Variants in APP observed in about 807,000 individuals in gnomAD.
APP encodes the protein amyloid-beta precursor protein.
Under a neutral mutation model 101.4 loss-of-function variants are expected in APP, and 31 were observed. That is an observed-to-expected ratio of 0.31 (90% CI 0.23 to 0.41). The LOEUF (loss-of-function observed/expected upper bound fraction) is 0.41, where lower values mean the gene tolerates loss of function less well. Ranked by LOEUF, APP falls within the 10% of genes least tolerant of loss-of-function variation. The probability of loss-of-function intolerance (pLI) is 1.00; values close to 1 mark genes in which losing one functional copy is unlikely to be tolerated. For synonymous variants in APP, 366 were observed against 364.4 expected (o/e 1.00, Z -0.05); for missense variants, 839 against 1,003.7 (o/e 0.84, Z 2.22).
chr21:25,942,407 C>T (rs374083999), intron 13 of APP: 6 of 152,104 alleles, frequency 3.9e-5, no homozygotes, highest in South Asian at 4.1e-4. Flanking sequence ...TGCGGCTGAA[C>T]GAGCTGAAAA....
intron 2 of APP, among the ~76,000 whole-genome samples, chr21:26,110,967 T>C (rs2062304997): frequency 1.3e-5 from 2 of 151,808 alleles, no homozygotes; most frequent in South Asian, 4.2e-4. Flanking sequence ...TCCAGCTATT[T>C]TAAATTGAAT....
intron 1 of APP, among the ~76,000 whole-genome samples, chr21:26,137,242 A>C (rs2062940934): frequency 6.6e-6 from 1 of 152,208 alleles, no homozygotes; most frequent in African/African-American, 2.4e-5. Context: ...TTAAACCATT[A>C]GTTTTCAAAC....
At position 25,975,138 on chromosome 21, in the gene APP, T is replaced by C; in HGVS notation, c.1390A>G (p.Met464Val). The C allele has an allele frequency of 6.2e-7, 1 of 1,614,066 alleles. No homozygotes were observed. Among genetic ancestry groups the C allele is most frequent in the Non-Finnish European group, 8.5e-7 (1 of 1,179,990 alleles). ...GCCAGGCGGCGGCGGTCATTGAGCATGGCTTCCACTCTGGCCATGTGTGTC... is the reference window on the plus strand; with the variant it reads ...GCCAGGCGGCGGCGGTCATTGAGCACGGCTTCCACTCTGGCCATGTGTGTC... ...VETHMARVEA[M>V]LNDRRRLALE... Residue 464 changes from methionine to valine, a missense_variant, in exon 11 of 18, where the codon ATG (methionine) becomes GTG (valine). By Grantham distance (21) the Met-to-Val change is conservative (BLOSUM62 1). Coordinates refer to ENST00000346798, the MANE Select transcript of APP (RefSeq NM_000484.4).
chr21:25,897,657 A>G lies in APP; in HGVS notation c.1980T>C (p.Asn660=), dbSNP rs749152147. Reference sequence around the variant, plus strand: ...CTTCAGAGATCTCCTCCGTCTTGATATTTGTCAACCCAGAACCTGTATTAC... The same window carrying G: ...CTTCAGAGATCTCCTCCGTCTTGATGTTTGTCAACCCAGAACCTGTATTAC... ...LTTRPGSGLT[N]IKTEEISEVK... Residue 660 remains asparagine (N), a synonymous_variant, in exon 16 of 18, where the codon AAT becomes AAC. Coordinates refer to ENST00000346798, the MANE Select transcript of APP (RefSeq NM_000484.4). The G allele has an allele frequency of 3.1e-6, 5 of 1,613,542 alleles. No homozygotes were observed. The highest frequency in any genetic ancestry group is 1.7e-5 in the Admixed American group (1 of 60,026).
At chr21:26,066,597 T>C (rs1043198443) in intron 3 of APP, among the ~76,000 whole-genome samples, 9 of 151,944 alleles carry the variant, frequency 5.9e-5, no homozygotes, top group Admixed American at 4.6e-4. Context: ...CGCATATAAG[T>C]AGAATCAAGT....
At chr21:26,088,979 C>G (rs774181558) in intron 3 of APP, among the ~76,000 whole-genome samples, 33 of 152,126 alleles carry the variant, frequency 2.2e-4, no homozygotes, top group Non-Finnish European at 4.1e-4. Flanking sequence ...CATTTTTGAC[C>G]ATATATTACA....
chr21:25,898,986 A>G (rs757768379), intron 15 of APP, among the ~76,000 whole-genome samples: 17 of 152,146 alleles, frequency 1.1e-4, no homozygotes, highest in Non-Finnish European at 2.1e-4. Flanking sequence ...AGGAGAAGGT[A>G]AGGATAATCT....
chr21:26,040,970 AC>A (rs1256953218), intron 5 of APP, among the ~76,000 whole-genome samples: 3 of 152,236 alleles, frequency 2.0e-5, no homozygotes, highest in Non-Finnish European at 4.4e-5. Flanking sequence ...TAAAAGTGTT[AC>A]TTTGTAAACA....
chr21:25,968,587 AACAT>A (rs2041886389), intron 11 of APP, among the ~76,000 whole-genome samples: 1 of 152,200 alleles, frequency 6.6e-6, no homozygotes, highest in African/African-American at 2.4e-5. Flanking sequence ...AGAAATTTGA[AACAT>A]ACAGTATACT....
At chr21:25,999,864 G>T in intron 7 of APP, 151 bp downstream of exon 7, 1 of 881,988 alleles carries the variant, frequency 1.1e-6, no homozygotes, top group Non-Finnish European at 1.8e-6. Flanking sequence ...ATACTGCGGA[G>T]ACTCTGAGCA....
chr21:26,099,262 C>T (rs1232733656), intron 2 of APP, among the ~76,000 whole-genome samples: 1 of 151,874 alleles, frequency 6.6e-6, no homozygotes, highest in Admixed American at 6.6e-5. Context: ...ATGCTCTATA[C>T]CAAATTGTTT....
intron 11 of APP, among the ~76,000 whole-genome samples, chr21:25,971,939 A>G (rs756691196): frequency 1.3e-5 from 2 of 152,226 alleles, no homozygotes; most frequent in African/African-American, 2.4e-5. Context: ...GCTCAAGAAT[A>G]TTACAAAAAC....
intron 15 of APP, among the ~76,000 whole-genome samples, chr21:25,904,314 A>C (rs1450717904): frequency 2.0e-5 from 3 of 151,496 alleles, no homozygotes; most frequent in Non-Finnish European, 4.4e-5. Context: ...TTATTCATAA[A>C]ATAAAAATGT....
At chr21:26,085,370 G>A (rs978935850) in intron 3 of APP, among the ~76,000 whole-genome samples, 14 of 152,076 alleles carry the variant, frequency 9.2e-5, no homozygotes, top group Non-Finnish European at 1.8e-4. Flanking sequence ...ATTAAATAAT[G>A]AGAATGATGA....
chr21:25,914,280 C>T (rs1055219861), intron 13 of APP, among the ~76,000 whole-genome samples: 1 of 151,868 alleles, frequency 6.6e-6, no homozygotes, highest in Non-Finnish European at 1.5e-5. Context: ...AATATGATTA[C>T]TTTTCGCCTG....
chr21:25,950,378 T>G (rs1167373597), intron 13 of APP, among the ~76,000 whole-genome samples: 1 of 148,204 alleles, frequency 6.7e-6, no homozygotes, highest in Non-Finnish European at 1.5e-5. Flanking sequence ...GCTTTTTTTT[T>G]TTCTTTTTTT....
At position 26,136,169 on chromosome 21, in the gene APP, AAAAGAAAGAAAGAAAG is replaced by A. The variant is rs138676290; in HGVS notation, c.58-24039_58-24024del. Among the ~76,000 whole-genome samples, 23 of 92,014 alleles carry A rather than the reference AAAAGAAAGAAAGAAAG, an allele frequency of 2.5e-4. 2 individuals carry two copies. In the South Asian group the frequency reaches 4.0e-3, roughly 16 times the overall value. The allele number at this position is 92,014 out of a possible 152,430, so 60.4% of individuals were successfully genotyped here. A position where few individuals can be genotyped will look rare whatever the true frequency, so the allele number is the denominator to read the frequency against. On this transcript the variant is annotated intron_variant, in intron 1 of 17. Coordinates refer to ENST00000346798, the MANE Select transcript of APP (RefSeq NM_000484.4). ...GAAAAGAAAAGAAAAGAAAAGAAAG[AAAAGAAAGAAAGAAAG>A]AAAGAAAGAAAGAAAGAAAAGAAAA...
rs745441127 is a variant in APP, at chr21:26,000,215, G to C, written c.866-33C>G. ...GAGGAGATGTGGGGAACCACATTTA[G>C]CATGAAAAGGCACTGTCTCTCTGTT... On this transcript the variant is annotated intron_variant, in intron 6 of 17. Transcript: ENST00000346798. 3 of 1,611,148 alleles carry C rather than the reference G, an allele frequency of 1.9e-6. No homozygotes were observed. In the African/African-American group the frequency reaches 4.0e-5, roughly 21 times the overall value.
Position 26,000,073 on chromosome 21 carries a change from G to C in APP, c.975C>G (p.Gly325=), listed in dbSNP as rs201622977. The C allele has an allele frequency of 7.4e-6, 12 of 1,614,088 alleles. No individual in the cohort carries two copies. Among genetic ancestry groups the C allele is most frequent in the Non-Finnish European group, 1.0e-5 (12 of 1,180,006 alleles). The change falls in exon 7 of 18, where the codon GGC becomes GGG. Residue 325 remains glycine (G), a synonymous_variant. Transcript: ENST00000346798. ...CTGTGTCAAAGTTGTTCCGGTTGCC[G>C]CCACATCCGCCGTAAAAGAATGGGG... ...KCAPFFYGGC[G]GNRNNFDTEE...
Sources: gnomAD v4.1 joint callset for allele counts (sites outside exome capture counted in the v4.1 genomes callset) on GRCh38, gnomAD v4.1.1 for gene constraint, MANE v1.5 for transcripts, NCBI Gene and HGNC (gene_info 2026-07-23, HGNC 2026-07-21) for gene names.